STAC: variants seen among roughly 807,000 people sequenced by gnomAD.
STAC encodes the protein SH3 and cysteine rich domain.
In STAC, 43 loss-of-function variants were observed where a neutral mutation model predicts 48.8. That is an observed-to-expected ratio of 0.88 (90% CI 0.69 to 1.14). The LOEUF (loss-of-function observed/expected upper bound fraction) is 1.14, where lower values mean the gene tolerates loss of function less well. Among genes scored for constraint, STAC ranks in the 50% most tolerant of loss-of-function variants. STAC has a pLI of 0.00. For synonymous variants in STAC, 193 were observed against 179.5 expected, an observed-to-expected ratio of 1.07 and a Z score of -0.60; for missense variants, 497 against 504.0, an observed-to-expected ratio of 0.99 and a Z score of 0.13.
intron 8 of STAC, among the ~76,000 whole-genome samples, chr3:36,526,750 C>T (rs1698946110): frequency 6.6e-6 from 1 of 152,150 alleles, no homozygotes; most frequent in Non-Finnish European, 1.5e-5. Context: ...GAACCCATGC[C>T]TAAGGAGGGC....
At chr3:36,433,925 A>G (rs1700765936) in intron 1 of STAC, among the ~76,000 whole-genome samples, 1 of 152,226 alleles carries the variant, frequency 6.6e-6, no homozygotes, top group Non-Finnish European at 1.5e-5. Flanking sequence ...GAATATTTCA[A>G]CTTCGAAGTT....
chr3:36,531,317 T>C (rs1438113402), intron 10 of STAC, among the ~76,000 whole-genome samples: 2 of 152,134 alleles, frequency 1.3e-5, no homozygotes, highest in Admixed American at 1.3e-4. Flanking sequence ...ATGGTAAGAA[T>C]TAGGAACAAT....
chr3:36,472,077 T>C (rs1174529040), intron 2 of STAC, among the ~76,000 whole-genome samples: 1 of 152,216 alleles, frequency 6.6e-6, no homozygotes, highest in Non-Finnish European at 1.5e-5. Context: ...CATCCAGGCG[T>C]TTCCCTACAT....
chr3:36,486,813 G>A (rs1213812571), intron 5 of STAC, among the ~76,000 whole-genome samples: 4 of 152,188 alleles, frequency 2.6e-5, no homozygotes, highest in Admixed American at 6.5e-5. Flanking sequence ...AGTGTTCCAT[G>A]CATCTCTGTG....
intron 10 of STAC, among the ~76,000 whole-genome samples, chr3:36,532,515 CT>C (rs1699095893): frequency 1.3e-5 from 2 of 152,194 alleles, no homozygotes; most frequent in Admixed American, 6.5e-5. Context: ...TTTGTTCCCC[CT>C]GGGGCTGTTA....
At chr3:36,467,957 T>C (rs1324062836) in intron 2 of STAC, among the ~76,000 whole-genome samples, 1 of 152,162 alleles carries the variant, frequency 6.6e-6, no homozygotes, top group Non-Finnish European at 1.5e-5. Flanking sequence ...TTGGGCTCTA[T>C]CAGACTTTTT....
chr3:36,433,481 C>T (rs1481353073), intron 1 of STAC, among the ~76,000 whole-genome samples: 2 of 152,138 alleles, frequency 1.3e-5, no homozygotes, highest in African/African-American at 4.8e-5. Flanking sequence ...TGAAAGAATG[C>T]CTCTGACTAT....
intron 10 of STAC, 33 bp downstream of exon 10, chr3:36,529,018 G>A (rs1699005044): frequency 1.3e-6 from 2 of 1,552,890 alleles, no homozygotes; most frequent in Non-Finnish European, 1.7e-6. Flanking sequence ...TTCCAGATAT[G>A]AGCCAAATAG....
chr3:36,440,945 C>A, intron 1 of STAC, among the ~76,000 whole-genome samples: 1 of 152,092 alleles, frequency 6.6e-6, no homozygotes, highest in African/African-American at 2.4e-5. Context: ...TTTTAAATTA[C>A]TTTTATGATT....
chr3:36,387,802 G>A (rs1699649850), intron 1 of STAC, among the ~76,000 whole-genome samples: 1 of 152,082 alleles, frequency 6.6e-6, no homozygotes, highest in Non-Finnish European at 1.5e-5. Flanking sequence ...AAGTGGGTGT[G>A]CAAATACTTG....
chr3:36,442,426 G>A (rs1442772328), intron 1 of STAC, among the ~76,000 whole-genome samples: 5 of 152,162 alleles, frequency 3.3e-5, no homozygotes, highest in Non-Finnish European at 5.9e-5. Flanking sequence ...CTAAGGACTA[G>A]GGATGAGAAA....
At chr3:36,457,508 A>G (rs1388748608) in intron 2 of STAC, among the ~76,000 whole-genome samples, 2 of 152,188 alleles carry the variant, frequency 1.3e-5, no homozygotes, top group Non-Finnish European at 2.9e-5. Flanking sequence ...GGAGTCTGGA[A>G]ATAGGGAAAA....
At chr3:36,407,806 T>G (rs1468484262) in intron 1 of STAC, among the ~76,000 whole-genome samples, 1 of 152,194 alleles carries the variant, frequency 6.6e-6, no homozygotes. Context: ...TATCTCACAG[T>G]TTTTGTTTGT....
At position 36,418,785 on chromosome 3, in the gene STAC, C is replaced by T. The variant is rs140237489; in HGVS notation, c.112-24579C>T. Among the ~76,000 whole-genome samples, 288 of 152,132 alleles carry T rather than the reference C, an allele frequency of 1.9e-3. 2 individuals are homozygous for T. The highest frequency in any genetic ancestry group is 6.1e-3 in the African/African-American group (252 of 41,524). On this transcript the variant is annotated intron_variant, in intron 1 of 10. Transcript: ENST00000273183. ...ATCTTTGACCTGATGTGGTGGCTCACGCCTGTAATCCCAGCACTTTGGGAG... is the reference window on the plus strand; with the variant it reads ...ATCTTTGACCTGATGTGGTGGCTCATGCCTGTAATCCCAGCACTTTGGGAG...
At chr3:36,497,900 C>T (rs1484092116) in intron 6 of STAC, among the ~76,000 whole-genome samples, 2 of 152,108 alleles carry the variant, frequency 1.3e-5, no homozygotes, top group Non-Finnish European at 2.9e-5. Flanking sequence ...GGCCCAGGTA[C>T]AGTAAGATCA....
chr3:36,483,502 G>A (rs1010303963), intron 3 of STAC, among the ~76,000 whole-genome samples: 5 of 152,106 alleles, frequency 3.3e-5, no homozygotes, highest in African/African-American at 9.7e-5. Context: ...AGCAAGAGAG[G>A]ACAAGAGCTA....
chr3:36,438,689 A>T (rs2125660935), intron 1 of STAC, among the ~76,000 whole-genome samples: 1 of 152,344 alleles, frequency 6.6e-6, no homozygotes, highest in Non-Finnish European at 1.5e-5. Context: ...CCAGAGCAAG[A>T]AAAATGTGGC....
chr3:36,510,300 A>T (rs1698504208), intron 8 of STAC, among the ~76,000 whole-genome samples: 2 of 152,134 alleles, frequency 1.3e-5, no homozygotes, highest in African/African-American at 4.8e-5. Flanking sequence ...AAAGTCAGGA[A>T]ACAACAGATG....
chr3:36,436,969 A>G (rs1700849351), intron 1 of STAC, among the ~76,000 whole-genome samples: 1 of 151,978 alleles, frequency 6.6e-6, no homozygotes, highest in Non-Finnish European at 1.5e-5. Context: ...GGCAAAGGAC[A>G]TGAACAGACA....
Sources: gnomAD v4.1 joint callset for allele counts (sites outside exome capture counted in the v4.1 genomes callset) on GRCh38, gnomAD v4.1.1 for gene constraint, MANE v1.5 for transcripts, NCBI Gene and HGNC (gene_info 2026-07-23, HGNC 2026-07-21) for gene names.